The following CRIM1 variants were observed in gnomAD, a reference collection of about 807,000 sequenced individuals.
The protein encoded by CRIM1 is cysteine-rich motor neuron 1 protein.
In CRIM1, 32 loss-of-function variants were observed where a neutral mutation model predicts 116.4. That is an observed-to-expected ratio of 0.27 (90% CI 0.21 to 0.37). The LOEUF (loss-of-function observed/expected upper bound fraction) is 0.37. Ranked by LOEUF, CRIM1 falls within the 10% of genes least tolerant of loss-of-function variation. CRIM1 has a pLI of 1.00. For missense variants in CRIM1, 1,331 were observed against 1,354.8 expected, an observed-to-expected ratio of 0.98 and a Z score of 0.28; for synonymous variants, 590 against 509.2, an observed-to-expected ratio of 1.16 and a Z score of -2.13.
intron 2 of CRIM1, among the ~76,000 whole-genome samples, chr2:36,419,748 C>A (rs1673910300): frequency 1.3e-5 from 2 of 152,172 alleles, no homozygotes; most frequent in Non-Finnish European, 2.9e-5. Context: ...ATGAGAAGTG[C>A]ATGAGTAAAT....
chr2:36,500,173 C>G (rs1184196700), intron 8 of CRIM1, among the ~76,000 whole-genome samples: 1 of 150,738 alleles, frequency 6.6e-6, no homozygotes, highest in African/African-American at 2.4e-5. Context: ...ACCAAAAATA[C>G]AAAAAAAAAT....
At chr2:36,357,158 C>A (rs1327254258) in intron 1 of CRIM1, among the ~76,000 whole-genome samples, 1 of 152,194 alleles carries the variant, frequency 6.6e-6, no homozygotes, top group Non-Finnish European at 1.5e-5. Flanking sequence ...TTCCTTCACC[C>A]CTTCCTCCTC....
chr2:36,522,322 A>C lies in CRIM1; in HGVS notation c.2428+9A>C, dbSNP rs982535727. ...TTGTCCCTACTGCATAGGTAAGACC[A>C]AGGAAAAAAAAATCCCTCATCTCTA... On this transcript the variant is annotated intron_variant, in intron 13 of 16. Coordinates refer to ENST00000280527, the MANE Select transcript of CRIM1 (RefSeq NM_016441.3). The C allele has an allele frequency of 1.9e-6, 3 of 1,596,514 alleles. No individual in the cohort carries two copies. The Admixed American group carries it at 5.0e-5, about 27-fold the overall frequency.
At position 36,394,737 on chromosome 2, in the gene CRIM1, G is replaced by A. The variant is rs116359391; in HGVS notation, c.332-1877G>A. ...GTGTGTCGGTATAAACTTCAAATCTGAAAGATAATCATTTTACTAAAAGCT... is the reference window on the plus strand; with the variant it reads ...GTGTGTCGGTATAAACTTCAAATCTAAAAGATAATCATTTTACTAAAAGCT... On this transcript the variant is annotated intron_variant, in intron 1 of 16. Coordinates refer to ENST00000280527, the MANE Select transcript of CRIM1 (RefSeq NM_016441.3). Among the ~76,000 whole-genome samples the A allele has an allele frequency of 2.4e-3, 358 of 152,050 alleles. 3 individuals carry two copies. The highest frequency in any genetic ancestry group is 7.0e-3 in the African/African-American group (289 of 41,498).
intron 3 of CRIM1, among the ~76,000 whole-genome samples, chr2:36,441,953 A>G (rs1675864537): frequency 6.6e-6 from 1 of 152,210 alleles, no homozygotes; most frequent in Non-Finnish European, 1.5e-5. Flanking sequence ...GAAGTTTCAT[A>G]ATGCAACACT....
chr2:36,490,609 C>A (rs1323648561), intron 7 of CRIM1, among the ~76,000 whole-genome samples: 1 of 152,186 alleles, frequency 6.6e-6, no homozygotes, highest in Non-Finnish European at 1.5e-5. Flanking sequence ...GTGGCCCAGC[C>A]TTTGATCCCG....
intron 1 of CRIM1, among the ~76,000 whole-genome samples, chr2:36,390,452 C>G (rs951322519): frequency 6.6e-6 from 1 of 152,160 alleles, no homozygotes; most frequent in Non-Finnish European, 1.5e-5. Context: ...CTCCACACTC[C>G]GAAGCTCATT....
intron 13 of CRIM1, among the ~76,000 whole-genome samples, chr2:36,534,297 AAGG>A (rs764769013): frequency 8.3e-6 from 1 of 120,456 alleles, no homozygotes; most frequent in African/African-American, 3.3e-5. Flanking sequence ...AGGGATGAGA[AAGG>A]AAGGAGGGAG....
chr2:36,548,067 A>C (rs1667475248), intron 16 of CRIM1, among the ~76,000 whole-genome samples: 1 of 152,130 alleles, frequency 6.6e-6, no homozygotes, highest in South Asian at 2.1e-4. Context: ...CCAGTGTCCA[A>C]AGCTGGGAAA....
At chr2:36,494,332 C>G (rs1338195904) in intron 7 of CRIM1, among the ~76,000 whole-genome samples, 4 of 152,046 alleles carry the variant, frequency 2.6e-5, no homozygotes, top group Non-Finnish European at 4.4e-5. Context: ...GTAAAAAATA[C>G]TAACATTTTC....
Position 36,442,710 on chromosome 2 carries a change from G to A in CRIM1, c.844G>A (p.Asp282Asn), listed in dbSNP as rs1338459175. ...SYETQVRLTA[D>N]GCCTLPTRCE... ...TGAAACTCAAGTCAGACTAACTGCA[G>A]ATGGTTGCTGTACTTTGCCAACAAG... is the stretch of plus-strand genomic sequence containing the variant. The change falls in exon 4 of 17, where the codon GAT becomes AAT. Residue 282 changes from aspartate (D) to asparagine (N), a missense_variant. This residue lies in a region of CRIM1 where 690 missense variants were observed against 676.0 expected (regional missense o/e 1.02). Transcript: ENST00000280527. 18 of 1,614,196 alleles carry A rather than the reference G, an allele frequency of 1.1e-5. No individual in the cohort carries two copies. Among genetic ancestry groups the A allele is most frequent in the Non-Finnish European group, 1.5e-5 (18 of 1,180,020 alleles).
At chr2:36,538,280 C>G (rs1041410463) in intron 14 of CRIM1, among the ~76,000 whole-genome samples, 1 of 152,144 alleles carries the variant, frequency 6.6e-6, no homozygotes, top group Admixed American at 6.5e-5. Flanking sequence ...ATTCCTCTTT[C>G]CCCTGCGTCT....
intron 2 of CRIM1, among the ~76,000 whole-genome samples, chr2:36,419,024 T>C (rs1673850616): frequency 6.6e-6 from 1 of 152,196 alleles, no homozygotes; most frequent in South Asian, 2.1e-4. Flanking sequence ...CTGTAGTCAT[T>C]AGCCTGATGT....
intron 1 of CRIM1, among the ~76,000 whole-genome samples, chr2:36,370,322 T>C (rs925474933): frequency 1.3e-5 from 2 of 151,898 alleles, no homozygotes; most frequent in Admixed American, 1.3e-4. Context: ...AAGACCTCTG[T>C]AGGTAAATAA....
chr2:36,466,879 G>T (rs759091209), intron 5 of CRIM1, among the ~76,000 whole-genome samples: 3 of 152,162 alleles, frequency 2.0e-5, no homozygotes, highest in Non-Finnish European at 4.4e-5. Context: ...AAGATTTGCT[G>T]GTGTTTCCTA....
chr2:36,469,114 C>T (rs1317169575), intron 5 of CRIM1, among the ~76,000 whole-genome samples: 3 of 152,156 alleles, frequency 2.0e-5, no homozygotes, highest in Non-Finnish European at 4.4e-5. Context: ...TATATTGAGG[C>T]TAGCCCCCAT....
chr2:36,395,825 A>G (rs1382053852), intron 1 of CRIM1, among the ~76,000 whole-genome samples: 1 of 152,148 alleles, frequency 6.6e-6, no homozygotes, highest in Non-Finnish European at 1.5e-5. Flanking sequence ...CCTCCATTGT[A>G]ACTCTTTTGG....
chr2:36,512,102 T>C (rs1046293629), intron 9 of CRIM1, among the ~76,000 whole-genome samples, 171 bp from the exon 10 acceptor site: 18 of 152,214 alleles, frequency 1.2e-4, no homozygotes, highest in Admixed American at 3.9e-4. Flanking sequence ...GAGTAAGTGG[T>C]GGTAATGGCC....
At position 36,441,445 on chromosome 2, in the gene CRIM1, G is replaced by A. The variant is rs1675817214; in HGVS notation, c.693G>A (p.Val231=). Residue 231 remains valine, a synonymous_variant, in exon 3 of 17, where the codon GTG becomes GTA. Coordinates refer to ENST00000280527, the MANE Select transcript of CRIM1 (RefSeq NM_016441.3). ...AGCCGGGAAACCTGAACATACTAGTGTCAAAAGCCTCAGGGAAGCCGGGAG... is the reference window on the plus strand; with the variant it reads ...AGCCGGGAAACCTGAACATACTAGTATCAAAAGCCTCAGGGAAGCCGGGAG... ...VCQPGNLNIL[V]SKASGKPGEC... is the part of the protein sequence containing the mutation. The A allele has an allele frequency of 6.2e-7, 1 of 1,613,782 alleles. No homozygotes were observed. Among genetic ancestry groups the A allele is most frequent in the Admixed American group, 1.7e-5 (1 of 60,010 alleles).
Sources: allele counts gnomAD v4.1 joint callset (sites outside exome capture counted in the v4.1 genomes callset), GRCh38; gene constraint gnomAD v4.1.1; regional missense constraint gnomAD v4.1.1; transcripts MANE v1.5; gene names NCBI Gene and HGNC (gene_info 2026-07-23, HGNC 2026-07-21).